The following WDR20 variants were observed in gnomAD, a reference collection of about 807,000 sequenced individuals.
WDR20 encodes the protein WD repeat domain 20, also known as WD repeat-containing protein 20.
A neutral mutation model predicts 38.7 loss-of-function variants in WDR20; 3 were observed. The ratio of observed to expected loss-of-function variants is 0.08; its 90% CI spans 0.04 to 0.20. The LOEUF (loss-of-function observed/expected upper bound fraction) is 0.20, where lower values mean the gene tolerates loss of function less well. Ranked by LOEUF, WDR20 falls within the 10% of genes least tolerant of loss-of-function variation. The pLI is 1.00. For synonymous variants in WDR20, 298 were observed against 285.6 expected (o/e 1.04, Z -0.44); for missense variants, 559 against 727.7 (o/e 0.77, Z 2.67).
chr14:102,139,687 G>A (rs113602506), upstream of WDR20: 65 of 672,680 alleles, frequency 9.7e-5, 1 homozygote, highest in African/African-American at 8.1e-4. Context: ...GGCCACACCC[G>A]GGGGAGGAGC....
chr14:102,149,156 T>C (rs2054822023), intron 1 of WDR20, among the ~76,000 whole-genome samples: 1 of 152,040 alleles, frequency 6.6e-6, no homozygotes. Flanking sequence ...AGTGAGACTC[T>C]CTCAAAACAA....
intron 1 of WDR20, among the ~76,000 whole-genome samples, chr14:102,158,965 C>T (rs564186255): frequency 6.6e-6 from 1 of 151,866 alleles, no homozygotes; most frequent in South Asian, 2.1e-4. Context: ...TTTTTTAAGG[C>T]AGGGTCTCTC....
In WDR20 at chr14:102,220,380, CATT is replaced by C. The variant is rs978154302; in HGVS notation, c.1693-2448_1693-2446del. On this transcript the variant is annotated intron_variant, in intron 3 of 3. Transcript: ENST00000335263. The surrounding 1 kb of genome is among the most constrained non-coding windows in gnomAD (Gnocchi z 4.2). ...CTCAAAGGCTTCTTACCAAAAAAGT[CATT>C]AGTAATTTTTATATTGCTGAATATT... Among the ~76,000 whole-genome samples, 3 of 152,244 alleles carry C rather than the reference CATT, an allele frequency of 2.0e-5. No individual in the cohort carries two copies. Among genetic ancestry groups the C allele is most frequent in the African/African-American group, 7.2e-5 (3 of 41,466 alleles).
intron 1 of WDR20, among the ~76,000 whole-genome samples, chr14:102,147,205 G>T (rs1423110129): frequency 6.6e-6 from 1 of 152,150 alleles, no homozygotes; most frequent in African/African-American, 2.4e-5. Flanking sequence ...GACCAGCCTG[G>T]CCAACACGGG....
At chr14:102,144,605 C>T (rs981726543) in intron 1 of WDR20, among the ~76,000 whole-genome samples, 1 of 152,130 alleles carries the variant, frequency 6.6e-6, no homozygotes, top group African/African-American at 2.4e-5. Flanking sequence ...TATGAATGGC[C>T]TCCATTCAGA....
intron 1 of WDR20, among the ~76,000 whole-genome samples, chr14:102,182,394 T>C (rs1449220726): frequency 1.3e-5 from 2 of 152,176 alleles, no homozygotes; most frequent in African/African-American, 4.8e-5. Flanking sequence ...TTTCCTGGCC[T>C]CTCTCCTCTC....
intron 2 of WDR20, among the ~76,000 whole-genome samples, chr14:102,199,139 A>G (rs1371061065): frequency 6.6e-6 from 1 of 152,010 alleles, no homozygotes; most frequent in Non-Finnish European, 1.5e-5. Flanking sequence ...AATTACCACG[A>G]CATTTACAAC....
intron 1 of WDR20, among the ~76,000 whole-genome samples, chr14:102,172,166 T>TA (rs1036257613): frequency 5.4e-5 from 8 of 149,352 alleles, no homozygotes; most frequent in Admixed American, 6.7e-5. Context: ...GCACCACCCT[T>TA]AATCCATTTA....
At chr14:102,148,540 CA>C (rs57236717) in intron 1 of WDR20, among the ~76,000 whole-genome samples, 90,644 of 131,618 alleles carry the variant, frequency 0.69, 32,030 homozygotes, top group East Asian at 0.92. Flanking sequence ...GACTCTGTCT[CA>C]AAAAAAAAAA....
intron 1 of WDR20, among the ~76,000 whole-genome samples, chr14:102,160,001 G>A (rs958587111): frequency 1.4e-4 from 21 of 152,126 alleles, no homozygotes; most frequent in African/African-American, 4.8e-4. Context: ...CTACTTGGGA[G>A]GCTGAGGCGA....
At chr14:102,185,781 A>G (rs1163225507) in intron 1 of WDR20, among the ~76,000 whole-genome samples, 2 of 151,288 alleles carry the variant, frequency 1.3e-5, no homozygotes, top group Non-Finnish European at 2.9e-5. Context: ...GCGCCACTGC[A>G]GTCCAGCTGG....
intron 1 of WDR20, among the ~76,000 whole-genome samples, chr14:102,164,239 T>C (rs540916341): frequency 6.6e-6 from 1 of 152,270 alleles, no homozygotes; most frequent in South Asian, 2.1e-4. Context: ...CATGGCCATA[T>C]ATTGACTTCC....
At chr14:102,170,858 T>C (rs555314409) in intron 1 of WDR20, among the ~76,000 whole-genome samples, 56 of 152,268 alleles carry the variant, frequency 3.7e-4, no homozygotes, top group Non-Finnish European at 6.9e-4. Context: ...TTGTCAGTTG[T>C]CTTCTGATTT....
At chr14:102,216,336 A>G (rs186152453), downstream of WDR20, among the ~76,000 whole-genome samples, 746 of 152,342 alleles carry the variant, frequency 4.9e-3, 4 homozygotes, top group Middle Eastern at 0.01. Context: ...TTTTTGAGAC[A>G]GGGTCTCGCT....
chr14:102,219,459 A>C (rs1443769658), downstream of WDR20, among the ~76,000 whole-genome samples: 1 of 152,234 alleles, frequency 6.6e-6, no homozygotes, highest in Non-Finnish European at 1.5e-5. Context: ...GGGCCACAGC[A>C]GGCCCAGCAC....
chr14:102,199,652 C>T (rs909195350), intron 2 of WDR20, among the ~76,000 whole-genome samples: 8 of 152,174 alleles, frequency 5.3e-5, no homozygotes, highest in African/African-American at 1.9e-4. Flanking sequence ...GCATCAGTTA[C>T]TCTGGCCTTT....
At chr14:102,173,693 G>C (rs934763567) in intron 1 of WDR20, among the ~76,000 whole-genome samples, 3 of 149,918 alleles carry the variant, frequency 2.0e-5, no homozygotes, top group Admixed American at 6.7e-5. Flanking sequence ...TCATAGCTTA[G>C]CTCCCACTTA....
chr14:102,173,642 G>A (rs1206831941), intron 1 of WDR20, among the ~76,000 whole-genome samples: 7 of 146,518 alleles, frequency 4.8e-5, no homozygotes, highest in Non-Finnish European at 7.5e-5. Context: ...TTCCCCCTGC[G>A]TCCCCAAAGT....
At chr14:102,213,802 G>C (rs546127218), downstream of WDR20, 343 of 985,280 alleles carry the variant, frequency 3.5e-4, no homozygotes, top group Non-Finnish European at 4.0e-4. Flanking sequence ...TTCTTTCTTT[G>C]TTGAGCGAGC....
Sources: allele counts gnomAD v4.1 joint callset (sites outside exome capture counted in the v4.1 genomes callset), GRCh38; gene constraint gnomAD v4.1.1; non-coding constraint Gnocchi (gnomAD v3.1); transcripts MANE v1.5; gene names NCBI Gene and HGNC (gene_info 2026-07-23, HGNC 2026-07-21).